CPLANE1: variants seen among roughly 807,000 people sequenced by gnomAD.
The protein encoded by CPLANE1 is ciliogenesis and planar polarity effector 1.
Under a neutral mutation model 362.5 loss-of-function variants are expected in CPLANE1, and 263 were observed. That is an observed-to-expected ratio of 0.73 (90% CI 0.66 to 0.80). CPLANE1 has a LOEUF of 0.80. Ranked by LOEUF, CPLANE1 falls within the 30% of genes least tolerant of loss-of-function variation. The probability of loss-of-function intolerance (pLI) is 0.00; values close to 1 mark genes in which losing one functional copy is unlikely to be tolerated. For missense variants in CPLANE1, 3,461 were observed against 3,793.4 expected, an observed-to-expected ratio of 0.91 and a Z score of 2.30; for synonymous variants, 1,212 against 1,302.6, an observed-to-expected ratio of 0.93 and a Z score of 1.50.
chr5:37,208,940 AAAAAAAAAG>A (rs1791729494), intron 16 of CPLANE1, among the ~76,000 whole-genome samples: 1 of 118,894 alleles, frequency 8.4e-6, no homozygotes, highest in African/African-American at 3.8e-5. Flanking sequence ...CACAGATGAA[AAAAAAAAAG>A]AAAAGAAAAA....
chr5:37,085,919 G>C, the CPLANE1 span: 5 of 522,748 alleles, frequency 9.6e-6, no homozygotes. Flanking sequence ...GAATTAATAG[G>C]AAAAAAAAAA....
chr5:37,240,998 T>C (rs187871482), intron 6 of CPLANE1, among the ~76,000 whole-genome samples: 2 of 151,092 alleles, frequency 1.3e-5, no homozygotes, highest in East Asian at 1.9e-4. Flanking sequence ...TAGCCAGCCG[T>C]GGGGGTGCGC....
chr5:37,237,085 T>C (rs1409166657), intron 8 of CPLANE1, among the ~76,000 whole-genome samples: 5 of 152,210 alleles, frequency 3.3e-5, no homozygotes, highest in East Asian at 1.9e-4. Flanking sequence ...AATCCCACTA[T>C]TGGGTATATA....
the CPLANE1 span, among the ~76,000 whole-genome samples, chr5:37,096,734 G>A: frequency 5.9e-5 from 9 of 152,100 alleles, no homozygotes; most frequent in Non-Finnish European, 1.3e-4. Flanking sequence ...CCATCAAAAA[G>A]TGGGTTAAGG....
chr5:37,202,760 C>G (rs1789563803), intron 18 of CPLANE1, among the ~76,000 whole-genome samples: 1 of 152,014 alleles, frequency 6.6e-6, no homozygotes, highest in Admixed American at 6.6e-5. Flanking sequence ...CTGATATTAA[C>G]ATTTTTGCTA....
rs774240051 is a variant in CPLANE1 at position 37,108,471 on chromosome 5, C to A, written c.9401G>T (p.Gly3134Val). 6.2e-7 allele frequency: 1 copy of A among 1,611,452 alleles called. No individual in the cohort carries two copies. Among genetic ancestry groups the A allele is most frequent in the Non-Finnish European group, 8.5e-7 (1 of 1,179,332 alleles). Residue 3134 changes from glycine to valine, a missense_variant and splice_region_variant, in exon 52 of 53, where the codon GGC (glycine) becomes GTC (valine). By Grantham distance (109) the Gly-to-Val change is moderately radical. Coordinates refer to ENST00000651892, the MANE Select transcript of CPLANE1 (RefSeq NM_001384732.1). Reference protein sequence around the residue: ...ATQSPVTFQKGSNAPCHSLQH... With the variant: ...ATQSPVTFQKVSNAPCHSLQH... ...CAGACTATGACACGGAGCATTAGAG[C>A]CTTTTAAGGGATAAGAACAAAGCAC... is the stretch of plus-strand genomic sequence containing the variant.
At chr5:37,231,194 T>C (rs1797653517) in intron 8 of CPLANE1, 145 bp from the exon 9 acceptor site, 1 of 450,230 alleles carries the variant, frequency 2.2e-6, no homozygotes, top group Admixed American at 4.3e-5. Flanking sequence ...GCCATACACA[T>C]TTCATGAATT....
the CPLANE1 span, among the ~76,000 whole-genome samples, chr5:37,087,896 T>TA: frequency 1.3e-5 from 2 of 152,210 alleles, no homozygotes; most frequent in Admixed American, 6.5e-5. Context: ...CAATGCTAGC[T>TA]AAAACAACTT....
intron 46 of CPLANE1, 62 bp from the exon 47 acceptor site, chr5:37,125,471 T>C (rs1763885400): frequency 1.5e-6 from 2 of 1,340,450 alleles, no homozygotes; most frequent in South Asian, 2.6e-5. Context: ...ATAAGATATA[T>C]CATGACTAAA....
chr5:37,161,108 T>C (rs73750942), intron 38 of CPLANE1, among the ~76,000 whole-genome samples: 226 of 152,338 alleles, frequency 1.5e-3, no homozygotes, highest in African/African-American at 5.3e-3. Context: ...GGAAACTGTC[T>C]AATGTATAGC....
At chr5:37,225,689 T>C (rs916980328) in intron 12 of CPLANE1, among the ~76,000 whole-genome samples, 11 of 151,956 alleles carry the variant, frequency 7.2e-5, no homozygotes, top group South Asian at 2.1e-4. Flanking sequence ...CCGTCTCTAC[T>C]AAAAATACAA....
the CPLANE1 span, chr5:37,085,817 G>A: frequency 1.4e-6 from 2 of 1,410,380 alleles, no homozygotes; most frequent in Non-Finnish European, 1.0e-6. Flanking sequence ...TGAAGAGAGA[G>A]ACAAAAGACT....
chr5:37,120,300 C>T lies in CPLANE1; in HGVS notation c.9226G>A (p.Gly3076Arg), dbSNP rs369676478. The T allele has an allele frequency of 2.5e-6, 4 of 1,594,806 alleles. No homozygotes were observed. The African/African-American group carries it at 5.4e-5, about 22-fold the overall frequency. ...HGHSFLINRP[G>R]KVKYMSKPSY... ...GGTTTGGACATATATTTGACTTTTC[C>T]AGGTCGATTTATTAGAAAACTGTGA... Residue 3076 changes from glycine (G) to arginine (R), a missense_variant, in exon 50 of 53, where the codon GGA becomes AGA. By Grantham distance (125) the Gly-to-Arg change is moderately radical (BLOSUM62 -2). This residue lies in a region of CPLANE1 where 3,380 missense variants were observed against 3,666.1 expected (regional missense o/e 0.92). Coordinates refer to ENST00000651892, the MANE Select transcript of CPLANE1 (RefSeq NM_001384732.1).
chr5:37,139,922 T>C, intron 44 of CPLANE1: 1 of 985,406 alleles, frequency 1.0e-6, no homozygotes, highest in Non-Finnish European at 1.2e-6. Flanking sequence ...CTTCTTTGCT[T>C]AGTACACAGT....
intron 51 of CPLANE1, among the ~76,000 whole-genome samples, chr5:37,113,235 T>C (rs1168673465): frequency 6.6e-6 from 1 of 152,176 alleles, no homozygotes; most frequent in African/African-American, 2.4e-5. Flanking sequence ...TGGGAGGTAA[T>C]TGAATCATGG....
At chr5:37,199,883 A>AT (rs1374256028) in intron 19 of CPLANE1, among the ~76,000 whole-genome samples, 2 of 152,234 alleles carry the variant, frequency 1.3e-5, no homozygotes, top group African/African-American at 4.8e-5. Context: ...AAGGACAGGC[A>AT]TGTGACCCAA....
intron 34 of CPLANE1, 77 bp downstream of exon 34, chr5:37,168,714 G>T (rs2150927368): frequency 8.6e-7 from 1 of 1,165,612 alleles, no homozygotes; most frequent in Non-Finnish European, 1.2e-6. Flanking sequence ...GAGCTTTTCA[G>T]TGACCATACA....
chr5:37,187,060 C>CAA lies in CPLANE1; in HGVS notation c.4080+352_4080+353dup, dbSNP rs61112118. On this transcript the variant is annotated intron_variant, in intron 23 of 52. Coordinates refer to ENST00000651892, the MANE Select transcript of CPLANE1 (RefSeq NM_001384732.1). Reference sequence around the variant, plus strand: ...TGGGTGACAGAGCGAGACTCCGTCTCAAAAAAAAAAAAAAAAAAAAAAAAA... The same window carrying CAA: ...TGGGTGACAGAGCGAGACTCCGTCTCAAAAAAAAAAAAAAAAAAAAAAAAAAA... Among the ~76,000 whole-genome samples the CAA allele has an allele frequency of 5.6e-4, 28 of 50,388 alleles. 2 individuals are homozygous for CAA. The highest frequency in any genetic ancestry group is 1.2e-3 in the East Asian group (2 of 1,736). The allele number at this position is 50,388 out of a possible 152,430, so 33.1% of individuals were successfully genotyped here.
chr5:37,241,405 A>G (rs1800425033), intron 6 of CPLANE1, among the ~76,000 whole-genome samples: 1 of 152,196 alleles, frequency 6.6e-6, no homozygotes, highest in African/African-American at 2.4e-5. Flanking sequence ...CAGTGAGCCA[A>G]GATTGCACCA....
Sources: gnomAD v4.1 joint callset for allele counts (sites outside exome capture counted in the v4.1 genomes callset) on GRCh38, gnomAD v4.1.1 for gene constraint, gnomAD v4.1.1 regional missense constraint, MANE v1.5 for transcripts, NCBI Gene and HGNC (gene_info 2026-07-23, HGNC 2026-07-21) for gene names.